The following ALPK1 variants were observed in gnomAD, a reference collection of about 807,000 sequenced individuals.
ALPK1 encodes the protein alpha-protein kinase 1.
Under a neutral mutation model 120.6 loss-of-function variants are expected in ALPK1, and 110 were observed. The ratio of observed to expected loss-of-function variants is 0.91; its 90% CI spans 0.78 to 1.07. The LOEUF (loss-of-function observed/expected upper bound fraction) is 1.07, where lower values mean the gene tolerates loss of function less well. ALPK1 is among the 50% of genes least tolerant of loss of function. The probability of loss-of-function intolerance (pLI) is 0.00; values close to 1 mark genes in which losing one functional copy is unlikely to be tolerated. For synonymous variants in ALPK1, 582 were observed against 560.3 expected, an observed-to-expected ratio of 1.04 and a Z score of -0.55; for missense variants, 1,498 against 1,483.9, an observed-to-expected ratio of 1.01 and a Z score of -0.16.
rs373809231 is a variant in ALPK1 at position 112,377,890 on chromosome 4, G to T, written c.113G>T (p.Arg38Leu). 6.2e-7 allele frequency: 1 copy of T among 1,609,144 alleles called. No individual in the cohort carries two copies. ...GAAGAGGACAAGAGCGAGGACCAGCGCTGCAGAGGTGAGGTTCTGATGGGA... is the reference window on the plus strand; with the variant it reads ...GAAGAGGACAAGAGCGAGGACCAGCTCTGCAGAGGTGAGGTTCTGATGGGA... The part of the protein sequence containing the change: ...VSEEDKSEDQ[R>L]CRALLPSELR... Residue 38 changes from arginine to leucine, a missense_variant, in exon 3 of 16, where the codon CGC becomes CTC. Physicochemically the swap from Arg to Leu is moderately radical, Grantham distance 102. Coordinates refer to ENST00000650871, the MANE Select transcript of ALPK1 (RefSeq NM_025144.4).
At chr4:112,427,733 T>C in intron 9 of ALPK1, 68 bp downstream of exon 9, 1 of 1,139,106 alleles carries the variant, frequency 8.8e-7, no homozygotes, top group Non-Finnish European at 1.3e-6. Flanking sequence ...GGTTGGTTAG[T>C]GGCTGTCTTT....
chr4:112,306,814 G>C (rs898577159), intron 1 of ALPK1, among the ~76,000 whole-genome samples: 2 of 151,896 alleles, frequency 1.3e-5, no homozygotes, highest in African/African-American at 2.4e-5. Context: ...GTTTGCCCTT[G>C]CTTCTCTAGT....
intron 2 of ALPK1, chr4:112,359,176 C>T (rs372665562): frequency 4.5e-5 from 28 of 626,828 alleles, no homozygotes; most frequent in Admixed American, 8.8e-5. Flanking sequence ...CCCCACCTGT[C>T]CCCCAGGCCA....
intron 4 of ALPK1, among the ~76,000 whole-genome samples, chr4:112,395,475 A>G (rs1732608032): frequency 6.6e-6 from 1 of 152,244 alleles, no homozygotes; most frequent in African/African-American, 2.4e-5. Flanking sequence ...TTGTCTTTAA[A>G]ACATTTTTAT....
intron 2 of ALPK1, among the ~76,000 whole-genome samples, chr4:112,326,750 C>T (rs1729135203): frequency 6.6e-6 from 1 of 152,188 alleles, no homozygotes; most frequent in African/African-American, 2.4e-5. Context: ...TTTTGCAGAG[C>T]AGGCCTTAGC....
chr4:112,382,499 G>A lies in ALPK1; in HGVS notation c.223G>A (p.Glu75Lys). 1 of 1,614,102 alleles carries A rather than the reference G, an allele frequency of 6.2e-7. No homozygotes were observed. The highest frequency in any genetic ancestry group is 8.5e-7 in the Non-Finnish European group (1 of 1,180,004). The change falls in exon 4 of 16, where the codon GAG (glutamate) becomes AAG (lysine). Residue 75 changes from glutamate (E) to lysine (K), a missense_variant. Glu to Lys is a moderately conservative substitution (Grantham distance 56, BLOSUM62 1). Transcript: ENST00000650871. ...KWQYKQAVGP[E>K]DKTNLKDVIG... Reference sequence around the variant, plus strand: ...GCAGTACAAACAAGCCGTGGGCCCAGAGGACAAAACAAACCTGAAGGATGT... The same window carrying A: ...GCAGTACAAACAAGCCGTGGGCCCAAAGGACAAAACAAACCTGAAGGATGT...
chr4:112,356,722 CA>C, intron 2 of ALPK1: 2 of 959,486 alleles, frequency 2.1e-6, no homozygotes, highest in African/African-American at 1.6e-5. Flanking sequence ...AGGACTTGGT[CA>C]AGAGGGGAAG....
At chr4:112,312,692 A>G (rs80208694) in intron 1 of ALPK1, among the ~76,000 whole-genome samples, 5,841 of 152,314 alleles carry the variant, frequency 0.038, 152 homozygotes, top group Non-Finnish European at 0.055. Context: ...TAGGCTGGTA[A>G]TACCTCTCGT....
chr4:112,357,857 G>T, intron 2 of ALPK1: 1 of 1,157,326 alleles, frequency 8.6e-7, no homozygotes. Flanking sequence ...TACTTGGCTA[G>T]GAAGATGGAG....
At chr4:112,309,631 G>A (rs1728307534) in intron 1 of ALPK1, among the ~76,000 whole-genome samples, 2 of 152,080 alleles carry the variant, frequency 1.3e-5, no homozygotes, top group African/African-American at 4.8e-5. Context: ...CTCACGCTGG[G>A]AGCTGTAGAC....
At chr4:112,402,544 C>A (rs1477702243) in intron 4 of ALPK1, among the ~76,000 whole-genome samples, 2 of 152,176 alleles carry the variant, frequency 1.3e-5, no homozygotes, top group Non-Finnish European at 2.9e-5. Context: ...ATGAAGTTCC[C>A]TTTGTGCCTT....
chr4:112,338,148 G>A (rs1459769327), intron 2 of ALPK1, among the ~76,000 whole-genome samples: 1 of 152,050 alleles, frequency 6.6e-6, no homozygotes, highest in Non-Finnish European at 1.5e-5. Context: ...TGTATTTTTA[G>A]TAGAGACGGG....
intron 4 of ALPK1, among the ~76,000 whole-genome samples, chr4:112,397,880 T>C (rs1732730495): frequency 6.6e-6 from 1 of 152,176 alleles, no homozygotes; most frequent in African/African-American, 2.4e-5. Context: ...AGTGAATCTT[T>C]ATTTAGATCC....
At chr4:112,356,045 G>A (rs1321399489) in intron 2 of ALPK1, 1 of 764,970 alleles carries the variant, frequency 1.3e-6, no homozygotes, top group East Asian at 2.5e-5. Context: ...GAGCGGCTGA[G>A]AGCCTGAGAT....
chr4:112,322,482 CT>C (rs1728905432), intron 2 of ALPK1, among the ~76,000 whole-genome samples: 2 of 152,180 alleles, frequency 1.3e-5, no homozygotes, highest in Admixed American at 6.5e-5. Flanking sequence ...TAGCTTGCAT[CT>C]GCTTTTATAA....
At chr4:112,298,243 C>A (rs1443426812) in intron 1 of ALPK1, among the ~76,000 whole-genome samples, 1 of 151,702 alleles carries the variant, frequency 6.6e-6, no homozygotes, top group Admixed American at 6.6e-5. Flanking sequence ...TCTCTGCTTG[C>A]GATATATATT....
At chr4:112,421,082 C>T (rs779074922) in intron 5 of ALPK1, among the ~76,000 whole-genome samples, 3 of 152,154 alleles carry the variant, frequency 2.0e-5, no homozygotes, top group Non-Finnish European at 4.4e-5. Flanking sequence ...ATCCACCCAC[C>T]TCAGTCTCCC....
chr4:112,380,403 T>A (rs752564170), intron 3 of ALPK1, among the ~76,000 whole-genome samples: 5 of 152,246 alleles, frequency 3.3e-5, no homozygotes, highest in African/African-American at 1.2e-4. Flanking sequence ...GACTGCTCAA[T>A]GGAGATAGGG....
intron 2 of ALPK1, among the ~76,000 whole-genome samples, chr4:112,334,608 T>C (rs1729532001): frequency 6.6e-6 from 1 of 152,106 alleles, no homozygotes; most frequent in Admixed American, 6.5e-5. Flanking sequence ...AGTTTTAAGG[T>C]GGTTTTAAAG....
Sources: allele counts gnomAD v4.1 joint callset (sites outside exome capture counted in the v4.1 genomes callset), GRCh38; gene constraint gnomAD v4.1.1; transcripts MANE v1.5; gene names NCBI Gene and HGNC (gene_info 2026-07-23, HGNC 2026-07-21).